The following PAK2 variants were observed in gnomAD, a reference collection of about 807,000 sequenced individuals.
PAK2 encodes the protein p21 (RAC1) activated kinase 2, also known as serine/threonine-protein kinase PAK 2.
A neutral mutation model predicts 65.9 loss-of-function variants in PAK2; 21 were observed. The observed-to-expected ratio is 0.32, with a 90% CI of 0.23 to 0.46. The LOEUF is 0.46. PAK2 is among the 20% of genes least tolerant of loss of function. PAK2 has a pLI of 1.00. For missense variants in PAK2, 324 were observed against 642.6 expected, an observed-to-expected ratio of 0.50 and a Z score of 5.36; for synonymous variants, 204 against 219.7, an observed-to-expected ratio of 0.93 and a Z score of 0.63.
At chr3:196,818,736 G>T (rs182771662) in intron 12 of PAK2, among the ~76,000 whole-genome samples, 14 of 152,200 alleles carry the variant, frequency 9.2e-5, no homozygotes, top group Non-Finnish European at 2.9e-5. Context: ...ACATGAAAAT[G>T]AATTAAACTT....
intron 7 of PAK2, among the ~76,000 whole-genome samples, chr3:196,808,377 A>G (rs984141630): frequency 1.1e-4 from 17 of 150,460 alleles, no homozygotes; most frequent in African/African-American, 2.9e-4. Context: ...CCTGGCCAGT[A>G]TGGTGAAACC....
chr3:196,745,807 C>T (rs1265275191), intron 1 of PAK2, among the ~76,000 whole-genome samples: 17 of 137,680 alleles, frequency 1.2e-4, no homozygotes, highest in Admixed American at 7.5e-5. Flanking sequence ...GAACGAGACT[C>T]CATCTCTAAG....
chr3:196,765,824 C>A (rs1714144951), intron 1 of PAK2, among the ~76,000 whole-genome samples: 1 of 152,132 alleles, frequency 6.6e-6, no homozygotes, highest in East Asian at 1.9e-4. Context: ...TTGAAAAACA[C>A]ATTTTGAGTT....
intron 1 of PAK2, among the ~76,000 whole-genome samples, chr3:196,777,429 C>T (rs1714571680): frequency 6.6e-6 from 1 of 152,168 alleles, no homozygotes; most frequent in Non-Finnish European, 1.5e-5. Flanking sequence ...GTCTCGAACT[C>T]CTGACCTCAA....
At position 196,791,974 on chromosome 3, in the gene PAK2, A is replaced by G. The variant is rs531069329; in HGVS notation, c.187+9141A>G. Among the ~76,000 whole-genome samples, 3 of 151,656 alleles carry G rather than the reference A, an allele frequency of 2.0e-5. No individual in the cohort carries two copies. Among genetic ancestry groups the G allele is most frequent in the African/African-American group, 7.2e-5 (3 of 41,384 alleles). On this transcript the variant is annotated intron_variant, in intron 2 of 14. Transcript: ENST00000327134. This position sits in a 1 kb window ranked among gnomAD's most constrained non-coding sequence, Gnocchi z 4.0. Reference sequence around the variant, plus strand: ...CCTGGGCTCAGTTTCTTACAACTTCAGACACTAGTGATAGACTGATTCTCA... The same window carrying G: ...CCTGGGCTCAGTTTCTTACAACTTCGGACACTAGTGATAGACTGATTCTCA...
chr3:196,817,696 G>T (rs1156810610), intron 11 of PAK2, among the ~76,000 whole-genome samples: 2 of 151,526 alleles, frequency 1.3e-5, no homozygotes, highest in Non-Finnish European at 2.9e-5. Flanking sequence ...ATGGGGTTTT[G>T]CCATGTTGGC....
intron 2 of PAK2, among the ~76,000 whole-genome samples, chr3:196,788,713 A>G (rs1296636935): frequency 1.3e-5 from 2 of 152,220 alleles, no homozygotes; most frequent in East Asian, 3.8e-4. Context: ...AGGTCATAAT[A>G]GAGCTGAAGA....
chr3:196,811,237 T>C (rs148231541), intron 8 of PAK2, among the ~76,000 whole-genome samples: 1,151 of 3,576 alleles, frequency 0.32, 104 homozygotes, highest in East Asian at 0.46. Context: ...TCCCTTCCCT[T>C]CCTTCCCTCC....
chr3:196,763,964 ATT>A (rs11314152), intron 1 of PAK2, among the ~76,000 whole-genome samples: 12 of 140,644 alleles, frequency 8.5e-5, no homozygotes, highest in Admixed American at 1.4e-4. Context: ...ACGCCCGGCT[ATT>A]TTTTTTTTTT....
intron 1 of PAK2, among the ~76,000 whole-genome samples, chr3:196,758,493 A>G (rs1042657236): frequency 2.0e-5 from 3 of 152,230 alleles, no homozygotes; most frequent in African/African-American, 4.8e-5. Flanking sequence ...AAACAGTAAG[A>G]ATAGAAAAAA....
intron 1 of PAK2, among the ~76,000 whole-genome samples, chr3:196,771,286 G>A (rs1419376711): frequency 6.6e-6 from 1 of 152,018 alleles, no homozygotes; most frequent in Admixed American, 6.5e-5. Context: ...TACTGCTTCT[G>A]TGAAATTTGT....
At chr3:196,826,181 T>C (rs1255395499) in intron 13 of PAK2, among the ~76,000 whole-genome samples, 1 of 151,728 alleles carries the variant, frequency 6.6e-6, no homozygotes, top group African/African-American at 2.4e-5. Flanking sequence ...TGTTTGTTTG[T>C]TTATTTTTGG....
At chr3:196,756,862 T>G (rs1351521446) in intron 1 of PAK2, among the ~76,000 whole-genome samples, 1 of 152,122 alleles carries the variant, frequency 6.6e-6, no homozygotes, top group African/African-American at 2.4e-5. Context: ...AACAAAATGC[T>G]TATTCCTTGG....
At chr3:196,814,596 A>G in intron 11 of PAK2, 28 bp downstream of exon 11, 2 of 883,794 alleles carry the variant, frequency 2.3e-6, no homozygotes, top group South Asian at 2.8e-5. Context: ...TTGATATGTT[A>G]TGGTGATATG....
intron 2 of PAK2, among the ~76,000 whole-genome samples, chr3:196,787,572 C>A (rs377548721): frequency 7.3e-6 from 1 of 136,474 alleles, no homozygotes; most frequent in Non-Finnish European, 1.6e-5. Context: ...GAGCGAGACT[C>A]CGTCTCAGAA....
intron 1 of PAK2, among the ~76,000 whole-genome samples, chr3:196,758,568 G>GATGC (rs1713841036): frequency 6.6e-6 from 1 of 152,246 alleles, no homozygotes; most frequent in Admixed American, 6.5e-5. Context: ...GGAGCCTGAT[G>GATGC]ATGCACGCAC....
At chr3:196,745,829 A>AAAAAG (rs1553798791) in intron 1 of PAK2, among the ~76,000 whole-genome samples, 12 of 151,690 alleles carry the variant, frequency 7.9e-5, no homozygotes, top group Non-Finnish European at 7.4e-5. Context: ...AAAAAAAAAA[A>AAAAAG]AAGAAGAAGT....
At chr3:196,806,953 T>A (rs1389090252) in intron 6 of PAK2, among the ~76,000 whole-genome samples, 1 of 152,144 alleles carries the variant, frequency 6.6e-6, no homozygotes, top group East Asian at 1.9e-4. Context: ...TCCAGAGGGT[T>A]CGTCTATTTC....
intron 11 of PAK2, among the ~76,000 whole-genome samples, chr3:196,815,191 AAAAG>A (rs1443881826): frequency 1.3e-5 from 2 of 150,472 alleles, no homozygotes; most frequent in Non-Finnish European, 3.0e-5. Context: ...AAAAAAAAGA[AAAAG>A]AAATACACCA....
Sources: gnomAD v4.1 joint callset for allele counts (sites outside exome capture counted in the v4.1 genomes callset) on GRCh38, gnomAD v4.1.1 for gene constraint, Gnocchi (gnomAD v3.1) non-coding constraint, MANE v1.5 for transcripts, NCBI Gene and HGNC (gene_info 2026-07-23, HGNC 2026-07-21) for gene names.